The following SHROOM2 variants were observed in gnomAD, a reference collection of about 807,000 sequenced individuals.
SHROOM2 encodes the protein shroom family member 2, also known as protein Shroom2.
Under a neutral mutation model 75.9 loss-of-function variants are expected in SHROOM2, and 33 were observed. The observed-to-expected ratio is 0.43, with a 90% CI of 0.33 to 0.58. The LOEUF is 0.58. SHROOM2 is among the 20% of genes least tolerant of loss of function. The probability of loss-of-function intolerance (pLI) is 0.04; values close to 1 mark genes in which losing one functional copy is unlikely to be tolerated. For missense variants in SHROOM2, 1,434 were observed against 1,461.2 expected (o/e 0.98, Z 0.30); for synonymous variants, 655 against 663.6 (o/e 0.99, Z 0.20).
At chrX:9,817,841 T>G (rs897677919) in intron 1 of SHROOM2, among the ~76,000 whole-genome samples, 1 of 112,041 alleles carries the variant, frequency 8.9e-6, no homozygotes, top group Non-Finnish European at 1.9e-5. Context: ...TCTAGCAGCC[T>G]CCAAGAATGC....
At chrX:9,904,311 G>A (rs1044455271) in intron 5 of SHROOM2, among the ~76,000 whole-genome samples, 1 of 111,697 alleles carries the variant, frequency 9.0e-6, no homozygotes, top group Non-Finnish European at 1.9e-5. Context: ...CTTGAGTCCA[G>A]GAGTTCGAGA....
intron 1 of SHROOM2, among the ~76,000 whole-genome samples, chrX:9,858,488 G>A (rs2084084825): frequency 8.9e-6 from 1 of 112,593 alleles, no homozygotes; most frequent in Non-Finnish European, 1.9e-5. Flanking sequence ...GTGCTTCAGT[G>A]ATGTGATGAC....
rs2084725497 is a variant in SHROOM2, at chrX:9,937,523, A to G, written c.3977A>G (p.Lys1326Arg). 8.3e-7 allele frequency: 1 copy of G among 1,210,061 alleles called. No individual in the cohort carries two copies. The highest frequency in any genetic ancestry group is 1.7e-5 in the African/African-American group (1 of 57,195). ...GAGCTGGCCAGGGAGATCGTGGGGAAGGATAAGTCCCTGGCCGACATCCTG... is the reference window on the plus strand; with the variant it reads ...GAGCTGGCCAGGGAGATCGTGGGGAGGGATAAGTCCCTGGCCGACATCCTG... ...SEELAREIVG[K>R]DKSLADILDP... Residue 1326 changes from lysine (K) to arginine (R), a missense_variant, in exon 7 of 10, where the codon AAG becomes AGG. Physicochemically the swap from Lys to Arg is conservative, Grantham distance 26. Coordinates refer to ENST00000380913, the MANE Select transcript of SHROOM2 (RefSeq NM_001649.4).
intron 1 of SHROOM2, among the ~76,000 whole-genome samples, chrX:9,834,035 T>C (rs865793197): frequency 8.9e-6 from 1 of 112,420 alleles, no homozygotes; most frequent in Middle Eastern, 4.6e-3. Flanking sequence ...TCCCCAGACA[T>C]TTGGCAATGT....
intron 2 of SHROOM2, among the ~76,000 whole-genome samples, chrX:9,880,876 C>T (rs1299158728): frequency 1.8e-5 from 2 of 111,963 alleles, no homozygotes; most frequent in Admixed American, 9.5e-5. Flanking sequence ...TGCGTTCCTA[C>T]GTCTTGGCTA....
At chrX:9,891,640 G>A (rs2084292821) in intron 3 of SHROOM2, among the ~76,000 whole-genome samples, 1 of 111,062 alleles carries the variant, frequency 9.0e-6, no homozygotes, top group South Asian at 3.8e-4. Context: ...GCTTGCGTGA[G>A]TGTGTGTGTG....
chrX:9,864,741 C>T (rs910650154), intron 1 of SHROOM2, among the ~76,000 whole-genome samples: 1 of 107,750 alleles, frequency 9.3e-6, no homozygotes, highest in Non-Finnish European at 1.9e-5. Context: ...AGGAGAATGG[C>T]GTGAACCCGG....
rs751674786 is a variant in SHROOM2 at position 9,932,268 on chromosome X, A to T, written c.2985A>T (p.Leu995=). 1 of 1,196,398 alleles carries T rather than the reference A, an allele frequency of 8.4e-7. No homozygotes were observed. The highest frequency in any genetic ancestry group is 1.8e-5 in the South Asian group (1 of 55,176). Residue 995 remains leucine, a synonymous_variant, in exon 6 of 10, where the codon CTA becomes CTT. Coordinates refer to ENST00000380913, the MANE Select transcript of SHROOM2 (RefSeq NM_001649.4). ...CGAACCCACCCACATTCTCTGAACT[A>T]TCTCACTGCCGGGGAGCCCCAGAGC... The part of the protein sequence containing the change: ...KAPNPPTFSE[L]SHCRGAPELP...
At chrX:9,808,846 G>C (rs751604680) in intron 1 of SHROOM2, among the ~76,000 whole-genome samples, 5 of 110,576 alleles carry the variant, frequency 4.5e-5, no homozygotes, top group Non-Finnish European at 7.6e-5. Context: ...TGGGGGACAA[G>C]AGTGAACTTC....
intron 1 of SHROOM2, among the ~76,000 whole-genome samples, chrX:9,850,610 G>A (rs1322579339): frequency 2.7e-5 from 3 of 111,223 alleles, no homozygotes; most frequent in African/African-American, 6.5e-5. Context: ...AGGCCAAGGC[G>A]AGTGGATCTC....
intron 5 of SHROOM2, 63 bp from the exon 6 acceptor site, chrX:9,932,112 G>C: frequency 9.9e-7 from 1 of 1,012,648 alleles, no homozygotes; most frequent in Non-Finnish European, 1.3e-6. Context: ...TCCAGGTCCA[G>C]TCCCTTGTGG....
intron 5 of SHROOM2, among the ~76,000 whole-genome samples, chrX:9,911,500 G>A (rs762951451): frequency 3.6e-5 from 4 of 111,696 alleles, no homozygotes; most frequent in South Asian, 7.5e-4. Context: ...GAGAAACTCC[G>A]TCCTGGTGGC....
In SHROOM2 at chrX:9,807,797, G is replaced by A. The variant is rs750209201; in HGVS notation, c.165+21087G>A. ...AGCCCTTCTGTGATCCTCCCTGAGA[G>A]CAGCCCTTCTGAGTGTCCTTTCCTG... is the stretch of plus-strand genomic sequence containing the variant. On this transcript the variant is annotated intron_variant, in intron 1 of 9. Transcript: ENST00000380913. Among the ~76,000 whole-genome samples, 9 of 112,345 alleles carry A rather than the reference G, an allele frequency of 8.0e-5. No homozygotes were observed. The South Asian group carries it at 1.1e-3, about 14-fold the overall frequency.
At chrX:9,930,422 G>T (rs1569173914) in intron 5 of SHROOM2, among the ~76,000 whole-genome samples, 2 of 108,653 alleles carry the variant, frequency 1.8e-5, no homozygotes, top group African/African-American at 6.7e-5. Flanking sequence ...GGTTGAGGTG[G>T]GAGGATCATC....
At chrX:9,926,115 G>A (rs989492046) in intron 5 of SHROOM2, among the ~76,000 whole-genome samples, 3 of 111,847 alleles carry the variant, frequency 2.7e-5, no homozygotes, top group Non-Finnish European at 5.6e-5. Flanking sequence ...CCACACCAGG[G>A]CCTTTATCTG....
chrX:9,812,296 T>G (rs1335893895), intron 1 of SHROOM2, among the ~76,000 whole-genome samples: 1 of 111,825 alleles, frequency 8.9e-6, no homozygotes, highest in Non-Finnish European at 1.9e-5. Context: ...GCAGAGCAGC[T>G]TGCACAGCAG....
chrX:9,878,706 G>A (rs1267952437), intron 2 of SHROOM2, among the ~76,000 whole-genome samples: 3 of 111,050 alleles, frequency 2.7e-5, no homozygotes, highest in Admixed American at 9.6e-5. Context: ...GGCCGCCTAA[G>A]ACGTCAGCAG....
chrX:9,848,146 G>A (rs1043545477), intron 1 of SHROOM2, among the ~76,000 whole-genome samples: 3 of 112,108 alleles, frequency 2.7e-5, no homozygotes, highest in Admixed American at 9.5e-5. Context: ...TGAGGCCATC[G>A]AGGAACCTGA....
chrX:9,932,673 T>C lies in SHROOM2; in HGVS notation c.3390T>C (p.Thr1130=). 2.5e-6 allele frequency: 3 copies of C among 1,211,347 alleles called. No homozygotes were observed. The highest frequency in any genetic ancestry group is 3.4e-6 in the Non-Finnish European group (3 of 895,191). ...AGCCCCAGGACACCCCGAAGGCCAC[T>C]GTCTGTGAGCGTGGAAGCCAGCATG... ...SAQPQDTPKA[T]VCERGSQHVS... is the part of the protein sequence containing the mutation. The change falls in exon 6 of 10, where the codon ACT becomes ACC. Residue 1130 remains threonine, a synonymous_variant. Transcript: ENST00000380913.
Sources: gnomAD v4.1 joint callset for allele counts (sites outside exome capture counted in the v4.1 genomes callset) on GRCh38, gnomAD v4.1.1 for gene constraint, MANE v1.5 for transcripts, NCBI Gene and HGNC (gene_info 2026-07-23, HGNC 2026-07-21) for gene names.